ARMC2: variants seen among roughly 807,000 people sequenced by gnomAD.
The protein encoded by ARMC2 is armadillo repeat-containing protein 2.
ARMC2 carries 67 observed loss-of-function variants against 90.3 expected under a neutral mutation model. That is an observed-to-expected ratio of 0.74 (90% CI 0.61 to 0.91). The LOEUF (loss-of-function observed/expected upper bound fraction) is 0.91, where lower values mean the gene tolerates loss of function less well. ARMC2 is among the 40% of genes least tolerant of loss of function. The pLI, the probability that ARMC2 is intolerant of heterozygous loss-of-function variation, is 0.00. For synonymous variants in ARMC2, 393 were observed against 393.0 expected, an observed-to-expected ratio of 1.00 and a Z score of 0.00; for missense variants, 920 against 1,030.9, an observed-to-expected ratio of 0.89 and a Z score of 1.47.
chr6:108,961,244 A>G (rs1028253798), intron 13 of ARMC2, among the ~76,000 whole-genome samples: 3 of 152,134 alleles, frequency 2.0e-5, no homozygotes, highest in Non-Finnish European at 4.4e-5. Flanking sequence ...GCGGGATTGG[A>G]GATGGCTCCG....
chr6:109,004,928 T>C, the ARMC2 span, among the ~76,000 whole-genome samples: 3 of 152,144 alleles, frequency 2.0e-5, no homozygotes, highest in African/African-American at 7.2e-5. Context: ...CATTAATTGT[T>C]TATATATTGC....
chr6:108,875,466 G>A (rs959109447), intron 4 of ARMC2, among the ~76,000 whole-genome samples: 2 of 151,986 alleles, frequency 1.3e-5, no homozygotes, highest in African/African-American at 4.8e-5. Context: ...GCCTACCTTA[G>A]AGCCTCCATA....
chr6:108,897,381 A>G (rs1004229155), intron 6 of ARMC2, among the ~76,000 whole-genome samples: 3 of 152,228 alleles, frequency 2.0e-5, no homozygotes. Context: ...AATTTGTCCT[A>G]AAGACAATTC....
intron 12 of ARMC2, among the ~76,000 whole-genome samples, chr6:108,946,856 G>A (rs1776842731): frequency 6.6e-6 from 1 of 152,146 alleles, no homozygotes; most frequent in Non-Finnish European, 1.5e-5. Flanking sequence ...TCAACATTAT[G>A]CACATGAGTT....
intron 5 of ARMC2, among the ~76,000 whole-genome samples, chr6:108,880,869 C>A (rs1368647302): frequency 1.5e-5 from 2 of 131,866 alleles, no homozygotes; most frequent in Non-Finnish European, 3.3e-5. Flanking sequence ...TCTTTTTTTT[C>A]TTTTTTTGAC....
chr6:108,939,868 C>T (rs1217556331), intron 12 of ARMC2, among the ~76,000 whole-genome samples: 1 of 152,108 alleles, frequency 6.6e-6, no homozygotes, highest in African/African-American at 2.4e-5. Flanking sequence ...GTTTCTCTTC[C>T]TTCTTAGAAG....
At chr6:109,033,376 C>A in the ARMC2 span, among the ~76,000 whole-genome samples, 1 of 152,180 alleles carries the variant, frequency 6.6e-6, no homozygotes, top group Non-Finnish European at 1.5e-5. Context: ...TTGCTTCTTT[C>A]TAACTTTATA....
intron 15 of ARMC2, among the ~76,000 whole-genome samples, chr6:108,962,482 G>A (rs1466210917): frequency 1.3e-5 from 2 of 152,128 alleles, no homozygotes; most frequent in African/African-American, 4.8e-5. Context: ...CAACCTAAAT[G>A]TTCCTCAACA....
the ARMC2 span, chr6:108,990,884 T>C: frequency 6.7e-7 from 1 of 1,492,170 alleles, no homozygotes; most frequent in Non-Finnish European, 9.3e-7. Flanking sequence ...TCAAGTACAG[T>C]TCTATATCTA....
At chr6:108,886,308 A>G (rs573429119) in intron 5 of ARMC2, among the ~76,000 whole-genome samples, 1 of 152,254 alleles carries the variant, frequency 6.6e-6, no homozygotes, top group African/African-American at 2.4e-5. Flanking sequence ...CTGTAATCCC[A>G]GCACTTTGGG....
In ARMC2 at chr6:108,862,364, A is replaced by C. The variant is rs896405395; in HGVS notation, c.291+4093A>C. On this transcript the variant is annotated intron_variant, in intron 3 of 17. Transcript: ENST00000392644. ...TCTCAAAAAAAAAAAAAAAACAAAA[A>C]AAACAAACAAAACCAAAAAGCAAAG... Among the ~76,000 whole-genome samples, 80 of 145,560 alleles carry C rather than the reference A, an allele frequency of 5.5e-4. 1 individual carries two copies. The highest frequency in any genetic ancestry group is 1.4e-3 in the African/African-American group (51 of 36,852).
intron 12 of ARMC2, among the ~76,000 whole-genome samples, 173 bp downstream of exon 12, chr6:108,937,172 T>TTACC (rs1776023390): frequency 1.3e-5 from 2 of 152,006 alleles, no homozygotes. Flanking sequence ...GTTGAAGGAG[T>TTACC]TATATGAGTC....
chr6:108,949,612 T>G (rs142288238), intron 12 of ARMC2, among the ~76,000 whole-genome samples: 1 of 152,354 alleles, frequency 6.6e-6, no homozygotes, highest in Non-Finnish European at 1.5e-5. Flanking sequence ...ATACCCTCTG[T>G]CCTGGTTGGA....
the ARMC2 span, among the ~76,000 whole-genome samples, chr6:109,011,965 G>A: frequency 3.8e-4 from 58 of 152,272 alleles, 1 homozygote; most frequent in African/African-American, 1.3e-3. Context: ...CTATCATTGT[G>A]CAGATTTAAC....
In ARMC2 at chr6:108,905,633, G is replaced by A. The variant is rs139318796; in HGVS notation, c.1023+1228G>A. On this transcript the variant is annotated intron_variant, in intron 8 of 17. Coordinates refer to ENST00000392644, the MANE Select transcript of ARMC2 (RefSeq NM_032131.6). The stretch of plus-strand genomic sequence containing the variant: ...TGCTTTGCAGAGTAAATATTATTTC[G>A]GTTATTAATGGTGTCATTCAAATTA... Among the ~76,000 whole-genome samples the A allele has an allele frequency of 3.6e-3, 550 of 152,050 alleles. 2 individuals carry two copies. Among genetic ancestry groups the A allele is most frequent in the African/African-American group, 0.013 (532 of 41,498 alleles).
At chr6:108,929,474 T>C (rs1011616606) in intron 11 of ARMC2, among the ~76,000 whole-genome samples, 3 of 152,114 alleles carry the variant, frequency 2.0e-5, no homozygotes, top group Non-Finnish European at 4.4e-5. Flanking sequence ...ATAAGATGAA[T>C]CCTTCACTTT....
At chr6:108,978,709 T>G (rs1408155862), downstream of ARMC2, among the ~76,000 whole-genome samples, 6 of 152,230 alleles carry the variant, frequency 3.9e-5, no homozygotes, top group Non-Finnish European at 8.8e-5. Flanking sequence ...TTAGGACAGT[T>G]AGTTCTTCTT....
the ARMC2 span, among the ~76,000 whole-genome samples, chr6:109,007,493 C>G: frequency 3.3e-5 from 5 of 152,140 alleles, no homozygotes; most frequent in African/African-American, 9.7e-5. Flanking sequence ...ATTATCACAA[C>G]ATTCACAGTA....
intron 5 of ARMC2, among the ~76,000 whole-genome samples, chr6:108,878,173 G>A (rs1313240877): frequency 1.3e-5 from 2 of 152,186 alleles, no homozygotes; most frequent in Non-Finnish European, 2.9e-5. Flanking sequence ...ATCAGTCTGG[G>A]ACACTTGATA....
Sources: allele counts gnomAD v4.1 joint callset (sites outside exome capture counted in the v4.1 genomes callset), GRCh38; gene constraint gnomAD v4.1.1; transcripts MANE v1.5; gene names NCBI Gene and HGNC (gene_info 2026-07-23, HGNC 2026-07-21).